Variants in FOXK2 observed in about 807,000 individuals in gnomAD.
The protein encoded by FOXK2 is forkhead box protein K2.
Under a neutral mutation model 53.3 loss-of-function variants are expected in FOXK2, and 24 were observed. That is an observed-to-expected ratio of 0.45 (90% confidence interval 0.33 to 0.63). FOXK2 has a LOEUF of 0.63. Ranked by LOEUF, FOXK2 falls within the 30% of genes least tolerant of loss-of-function variation. The pLI, the probability that FOXK2 is intolerant of heterozygous loss-of-function variation, is 0.03. For missense variants in FOXK2, 952 were observed against 910.5 expected (o/e 1.05, Z -0.59); for synonymous variants, 505 against 407.1 (o/e 1.24, Z -2.89).
intron 7 of FOXK2, 33 bp from the exon 8 acceptor site, chr17:82,587,030 A>T: frequency 1.3e-6 from 2 of 1,596,594 alleles, no homozygotes; most frequent in Non-Finnish European, 1.7e-6. Context: ...CTTTCCAGTA[A>T]TATTAATGTC....
intron 1 of FOXK2, among the ~76,000 whole-genome samples, chr17:82,536,900 T>G (rs1036024608): frequency 8.5e-5 from 13 of 152,226 alleles, no homozygotes; most frequent in African/African-American, 3.1e-4. Context: ...AAGCTTTTTT[T>G]GGCCTTGGAT....
chr17:82,530,708 C>A (rs559321989), intron 1 of FOXK2, among the ~76,000 whole-genome samples: 1 of 152,140 alleles, frequency 6.6e-6, no homozygotes, highest in South Asian at 2.1e-4. Flanking sequence ...CGGGGTTTCA[C>A]CATGTGGGCC....
At chr17:82,568,859 C>T (rs1184245618) in intron 3 of FOXK2, among the ~76,000 whole-genome samples, 3 of 151,436 alleles carry the variant, frequency 2.0e-5, no homozygotes, top group Non-Finnish European at 2.9e-5. Context: ...AAAAAAAATA[C>T]AAAAAGCCAG....
intron 8 of FOXK2, among the ~76,000 whole-genome samples, chr17:82,597,946 G>T (rs997803316): frequency 6.6e-6 from 1 of 152,100 alleles, no homozygotes; most frequent in Non-Finnish European, 1.5e-5. Flanking sequence ...CACCGCGCCC[G>T]GCCTCCCAGT....
Position 82,520,301 on chromosome 17 carries a change from C to T in FOXK2, c.413C>T (p.Pro138Leu). 1 of 1,233,266 alleles carries T rather than the reference C, an allele frequency of 8.1e-7. No individual in the cohort carries two copies. Among genetic ancestry groups the T allele is most frequent in the Non-Finnish European group, 1.0e-6 (1 of 973,338 alleles). 76.4% of individuals were successfully genotyped at this position (1,233,266 alleles called of 1,614,324 possible). A position where few individuals can be genotyped will look rare whatever the true frequency, so the allele number is the denominator to read the frequency against. The change falls in exon 1 of 9, where the codon CCG becomes CTG. Residue 138 changes from proline (P) to leucine (L), a missense_variant. Transcript: ENST00000335255. Reference sequence around the variant, plus strand: ...CGCGGGGCGCCGCCGCTGCAGCTGCCGCGCGTGTGAGTGGCCTCGGGGCGG... The same window carrying T: ...CGCGGGGCGCCGCCGCTGCAGCTGCTGCGCGTGTGAGTGGCCTCGGGGCGG... The part of the protein sequence containing the change: ...QRRGAPPLQL[P>L]RVCTFRFPST...
chr17:82,586,243 TGAAAGGTGGGCCGGGGGGG>T lies in FOXK2; in HGVS notation c.1576+50_1576+68del, dbSNP rs771756043. 54 of 868,674 alleles carry T rather than the reference TGAAAGGTGGGCCGGGGGGG, an allele frequency of 6.2e-5. 2 individuals carry two copies. The East Asian group carries it at 2.2e-3, about 36-fold the overall frequency. The allele number at this position is 868,674 out of a possible 1,614,324, so 53.8% of individuals were successfully genotyped here. ...GAGGAGAGGGGAGACCACAGGGAGG[TGAAAGGTGGGCCGGGGGGG>T]GAAAGGAGGAGAGGGGAGACCACAG... On this transcript the variant is annotated intron_variant, in intron 7 of 8. Coordinates refer to ENST00000335255, the MANE Select transcript of FOXK2 (RefSeq NM_004514.4).
chr17:82,544,597 T>G (rs2044605473), intron 1 of FOXK2, among the ~76,000 whole-genome samples: 1 of 152,226 alleles, frequency 6.6e-6, no homozygotes, highest in African/African-American at 2.4e-5. Flanking sequence ...ATATTCTCAC[T>G]AAGTGGGCTA....
intron 8 of FOXK2, among the ~76,000 whole-genome samples, chr17:82,588,706 C>T (rs753503076): frequency 3.9e-5 from 6 of 151,994 alleles, no homozygotes; most frequent in Non-Finnish European, 7.4e-5. Context: ...CAAGAGCCTC[C>T]GGTGCAGGTC....
intron 8 of FOXK2, among the ~76,000 whole-genome samples, chr17:82,595,089 T>C (rs978170246): frequency 6.6e-6 from 1 of 152,232 alleles, no homozygotes; most frequent in African/African-American, 2.4e-5. Flanking sequence ...TACATTGTCT[T>C]TGACAGCATT....
intron 5 of FOXK2, among the ~76,000 whole-genome samples, chr17:82,583,638 T>C (rs571353901): frequency 1.5e-5 from 2 of 137,158 alleles, no homozygotes; most frequent in African/African-American, 5.6e-5. Context: ...ATTTTTAGCT[T>C]CACTAATACT....
At chr17:82,557,240 C>T (rs2044737845) in intron 1 of FOXK2, among the ~76,000 whole-genome samples, 1 of 151,314 alleles carries the variant, frequency 6.6e-6, no homozygotes, top group East Asian at 1.9e-4. Context: ...CCATGTTGGT[C>T]AGGCTGGTCT....
chr17:82,519,769 CCTCCG>C lies in FOXK2; in HGVS notation c.-116_-112del. ...CGCTCGCTCGCTCGCCGGCCGGCGG[CCTCCG>C]CTCGGCCCCCTCCCTCAGCTCCGGT... On this transcript the variant is annotated 5_prime_UTR_variant, in exon 1 of 9. Transcript: ENST00000335255. 7.9e-6 allele frequency: 2 copies of C among 252,352 alleles called. No homozygotes were observed. The highest frequency in any genetic ancestry group is 1.2e-5 in the Non-Finnish European group (2 of 163,052). The allele number at this position is 252,352 out of a possible 1,614,324, so 15.6% of individuals were successfully genotyped here.
chr17:82,531,665 A>G (rs191145606), intron 1 of FOXK2, among the ~76,000 whole-genome samples: 3 of 152,328 alleles, frequency 2.0e-5, no homozygotes, highest in East Asian at 3.9e-4. Context: ...ATATTAAAAC[A>G]TAGAAAAGGC....
chr17:82,550,107 G>A (rs917928439), intron 1 of FOXK2, among the ~76,000 whole-genome samples: 2 of 152,200 alleles, frequency 1.3e-5, no homozygotes, highest in African/African-American at 2.4e-5. Context: ...GCTGAGGCGG[G>A]AGGATTGCTT....
intron 8 of FOXK2, among the ~76,000 whole-genome samples, chr17:82,597,026 G>A (rs953955238): frequency 6.6e-6 from 1 of 152,198 alleles, no homozygotes; most frequent in African/African-American, 2.4e-5. Context: ...AGGGGCAGGG[G>A]CTGGTGAAGG....
chr17:82,573,769 G>T (rs1392078768), intron 4 of FOXK2, among the ~76,000 whole-genome samples: 1 of 152,238 alleles, frequency 6.6e-6, no homozygotes, highest in African/African-American at 2.4e-5. Flanking sequence ...GGCTTTGTCA[G>T]TGTGTTTCTA....
chr17:82,596,552 C>T (rs926222350), intron 8 of FOXK2, among the ~76,000 whole-genome samples: 1 of 14,342 alleles, frequency 7.0e-5, no homozygotes, highest in African/African-American at 1.0e-4. Context: ...TTTCTGCGGG[C>T]AGTCTGTGTG....
At chr17:82,535,392 G>C (rs1271641776) in intron 1 of FOXK2, among the ~76,000 whole-genome samples, 2 of 152,124 alleles carry the variant, frequency 1.3e-5, no homozygotes, top group Non-Finnish European at 2.9e-5. Flanking sequence ...ACTCGAAAAG[G>C]TTTTGGCCAT....
chr17:82,596,147 C>CTTTTTTA, intron 8 of FOXK2: 1 of 1,028,758 alleles, frequency 9.7e-7, no homozygotes, highest in South Asian at 3.3e-5. Flanking sequence ...CAGGGAGGAG[C>CTTTTTTA]ATCTGAGGTG....
Sources: gnomAD v4.1 joint callset for allele counts (sites outside exome capture counted in the v4.1 genomes callset) on GRCh38, gnomAD v4.1.1 for gene constraint, MANE v1.5 for transcripts, NCBI Gene and HGNC (gene_info 2026-07-23, HGNC 2026-07-21) for gene names.